Variants in CDH18 observed in about 807,000 individuals in gnomAD.
CDH18 encodes the protein cadherin 18.
In CDH18, 31 loss-of-function variants were observed where a neutral mutation model predicts 67.9. That is an observed-to-expected ratio of 0.46 (90% CI 0.34 to 0.62). The LOEUF (loss-of-function observed/expected upper bound fraction) is 0.62. Among genes scored for constraint, CDH18 ranks in the 20% least tolerant of loss-of-function variants. The pLI, the probability that CDH18 is intolerant of heterozygous loss-of-function variation, is 0.01. For missense variants in CDH18, 890 were observed against 975.5 expected, an observed-to-expected ratio of 0.91 and a Z score of 1.17; for synonymous variants, 362 against 347.2, an observed-to-expected ratio of 1.04 and a Z score of -0.48.
chr5:20,349,487 A>C (rs1740984631), intron 1 of CDH18, among the ~76,000 whole-genome samples: 1 of 152,138 alleles, frequency 6.6e-6, no homozygotes, highest in African/African-American at 2.4e-5. Context: ...TTATTGATGA[A>C]AGAAAGTGTT....
chr5:20,206,657 A>G lies in CDH18; in HGVS notation c.-518+48787T>C, dbSNP rs546517724. Among the ~76,000 whole-genome samples, 3 of 152,088 alleles carry G rather than the reference A, an allele frequency of 2.0e-5. No individual in the cohort carries two copies. In the East Asian group the frequency reaches 5.8e-4, roughly 29 times the overall value. On this transcript the variant is annotated intron_variant, in intron 2 of 14. Coordinates refer to the CDH18 transcript ENST00000507958. The stretch of plus-strand genomic sequence containing the variant: ...ATCAAGAGGGGTTCATCCCAGGATA[A>G]GTATATATATACATCCCACTGTGCA...
chr5:20,338,605 G>A (rs558058647), intron 1 of CDH18, among the ~76,000 whole-genome samples: 12 of 152,234 alleles, frequency 7.9e-5, no homozygotes, highest in Non-Finnish European at 1.5e-4. Flanking sequence ...GAGGGAACCA[G>A]TATGAAGGTT....
At chr5:19,777,859 G>A (rs1774580102) in intron 3 of CDH18, among the ~76,000 whole-genome samples, 2 of 152,040 alleles carry the variant, frequency 1.3e-5, no homozygotes, top group Non-Finnish European at 2.9e-5. Flanking sequence ...GACAGATCAG[G>A]AGAAACAAAG....
At chr5:20,010,938 CT>C (rs1379523545) in intron 2 of CDH18, among the ~76,000 whole-genome samples, 1 of 152,158 alleles carries the variant, frequency 6.6e-6, no homozygotes, top group Non-Finnish European at 1.5e-5. Flanking sequence ...ACTCAGGTTT[CT>C]GTAAAGCACC....
intron 2 of CDH18, among the ~76,000 whole-genome samples, chr5:20,186,209 C>T (rs1416523878): frequency 6.6e-6 from 1 of 151,878 alleles, no homozygotes; most frequent in African/African-American, 2.4e-5. Context: ...TAGTAGAAAA[C>T]ATGGGAAACA....
intron 1 of CDH18, among the ~76,000 whole-genome samples, chr5:20,542,786 AG>A (rs2126594359): frequency 6.6e-6 from 1 of 152,094 alleles, no homozygotes; most frequent in Admixed American, 6.6e-5. Flanking sequence ...TGTGGTTCAG[AG>A]TCTTTTATTT....
chr5:20,164,895 A>G (rs1232219955), intron 2 of CDH18, among the ~76,000 whole-genome samples: 1 of 152,142 alleles, frequency 6.6e-6, no homozygotes, highest in African/African-American at 2.4e-5. Context: ...AATACCATAT[A>G]AGCTTCATCT....
chr5:19,795,712 G>A (rs1026949794), intron 3 of CDH18, among the ~76,000 whole-genome samples: 11 of 151,858 alleles, frequency 7.2e-5, no homozygotes, highest in Admixed American at 3.3e-4. Flanking sequence ...TACCAAGAAC[G>A]GAGAAAATTG....
chr5:20,495,626 A>C (rs550535951), intron 1 of CDH18, among the ~76,000 whole-genome samples: 1 of 152,308 alleles, frequency 6.6e-6, no homozygotes, highest in African/African-American at 2.4e-5. Context: ...GAAATGTCAC[A>C]GGAAAAACAT....
chr5:20,511,079 T>C (rs1375034062), intron 1 of CDH18, among the ~76,000 whole-genome samples: 2 of 152,070 alleles, frequency 1.3e-5, no homozygotes, highest in Non-Finnish European at 2.9e-5. Flanking sequence ...ATGGTGCAGA[T>C]TGTGGGTAAG....
chr5:19,931,813 T>C (rs907161522), intron 2 of CDH18, among the ~76,000 whole-genome samples: 1 of 151,830 alleles, frequency 6.6e-6, no homozygotes, highest in African/African-American at 2.4e-5. Context: ...TTAACTCCTA[T>C]ATCCATCTCT....
intron 2 of CDH18, among the ~76,000 whole-genome samples, chr5:20,046,413 C>G (rs1448899359): frequency 6.6e-6 from 1 of 151,594 alleles, no homozygotes; most frequent in Non-Finnish European, 1.5e-5. Flanking sequence ...GTGGAGACAT[C>G]TAAGATGTTT....
chr5:19,630,172 C>T (rs1000262425), intron 5 of CDH18, among the ~76,000 whole-genome samples: 1 of 152,056 alleles, frequency 6.6e-6, no homozygotes, highest in Admixed American at 6.6e-5. Flanking sequence ...GAACTCCTCA[C>T]CTCAGGTGAT....
intron 2 of CDH18, among the ~76,000 whole-genome samples, chr5:20,007,572 A>T (rs1737006846): frequency 6.6e-6 from 1 of 152,040 alleles, no homozygotes; most frequent in Non-Finnish European, 1.5e-5. Context: ...TTGCTCATGG[A>T]AGAAAGAAAG....
Position 20,283,231 on chromosome 5 carries a change from C to T in CDH18, c.-579-27726G>A, listed in dbSNP as rs987895606. Among the ~76,000 whole-genome samples the T allele has an allele frequency of 1.5e-4, 23 of 152,106 alleles. 1 individual carries two copies. Among genetic ancestry groups the T allele is most frequent in the Middle Eastern group, 3.4e-3 (1 of 294 alleles). On this transcript the variant is annotated intron_variant, in intron 1 of 14. Transcript: ENST00000507958. ...TTGAGTAACACTTCACAAGCCTAGG[C>T]AACCAAAGCAAAAATGGGCAAATGG...
At chr5:19,686,083 A>C (rs1479971960) in intron 5 of CDH18, among the ~76,000 whole-genome samples, 1 of 152,114 alleles carries the variant, frequency 6.6e-6, no homozygotes, top group Non-Finnish European at 1.5e-5. Flanking sequence ...AATATGAATA[A>C]ATTAATTAAT....
At chr5:20,342,316 A>G (rs188629870) in intron 1 of CDH18, among the ~76,000 whole-genome samples, 24 of 152,182 alleles carry the variant, frequency 1.6e-4, no homozygotes, top group African/African-American at 5.5e-4. Context: ...CAGCTTCCCC[A>G]TCCCCAGTAA....
intron 1 of CDH18, among the ~76,000 whole-genome samples, chr5:20,333,528 T>TACACACACACAC (rs10658368): frequency 7.3e-6 from 1 of 136,842 alleles, no homozygotes; most frequent in African/African-American, 2.7e-5. Context: ...ACAATATATA[T>TACACACACACAC]ACACACACAC....
At chr5:20,491,571 T>C (rs1211744410) in intron 1 of CDH18, among the ~76,000 whole-genome samples, 1 of 152,130 alleles carries the variant, frequency 6.6e-6, no homozygotes, top group Admixed American at 6.6e-5. Context: ...CTGAAGGTTG[T>C]CTGGCTGGAG....
Sources: allele counts gnomAD v4.1 joint callset (sites outside exome capture counted in the v4.1 genomes callset), GRCh38; gene constraint gnomAD v4.1.1; transcripts MANE v1.5; gene names NCBI Gene and HGNC (gene_info 2026-07-23, HGNC 2026-07-21).